PALM2AKAP2: variants seen among roughly 807,000 people sequenced by gnomAD.
The protein encoded by PALM2AKAP2 is PALM2 and AKAP2 fusion.
In PALM2AKAP2, 37 loss-of-function variants were observed where a neutral mutation model predicts 71.5. That is an observed-to-expected ratio of 0.52 (90% CI 0.40 to 0.68). PALM2AKAP2 has a LOEUF of 0.68. Among genes scored for constraint, PALM2AKAP2 ranks in the 30% least tolerant of loss-of-function variants. The pLI, the probability that PALM2AKAP2 is intolerant of heterozygous loss-of-function variation, is 0.00. For synonymous variants in PALM2AKAP2, 468 were observed against 478.8 expected, an observed-to-expected ratio of 0.98 and a Z score of 0.29; for missense variants, 1,224 against 1,191.8, an observed-to-expected ratio of 1.03 and a Z score of -0.40.
At chr9:109,774,072 CTT>C (rs1829314028) in intron 1 of PALM2AKAP2, among the ~76,000 whole-genome samples, 1 of 152,218 alleles carries the variant, frequency 6.6e-6, no homozygotes, top group African/African-American at 2.4e-5. Flanking sequence ...AAATTTCTCT[CTT>C]GTCAGCAGTG....
At chr9:109,649,936 G>A (rs752066957) in intron 1 of PALM2AKAP2, among the ~76,000 whole-genome samples, 6 of 152,190 alleles carry the variant, frequency 3.9e-5, no homozygotes, top group Non-Finnish European at 5.9e-5. Flanking sequence ...CAGATTTTTG[G>A]TGCTTTACCA....
At chr9:109,841,386 G>A (rs1363244176) in intron 1 of PALM2AKAP2, among the ~76,000 whole-genome samples, 1 of 147,964 alleles carries the variant, frequency 6.8e-6, no homozygotes, top group African/African-American at 2.5e-5. Context: ...GTAGGGGGGA[G>A]GGATAGCATT....
intron 6 of PALM2AKAP2, among the ~76,000 whole-genome samples, chr9:109,954,698 G>T (rs1033200813): frequency 1.7e-4 from 25 of 144,650 alleles, no homozygotes; most frequent in Non-Finnish European, 2.9e-4. Context: ...AAGGTTGCAA[G>T]ATCTTAAGTG....
intron 1 of PALM2AKAP2, among the ~76,000 whole-genome samples, chr9:109,656,185 C>T (rs1271182430): frequency 6.6e-6 from 1 of 152,040 alleles, no homozygotes; most frequent in Non-Finnish European, 1.5e-5. Flanking sequence ...AAGGAGAGCT[C>T]CAGGCAAAAG....
chr9:110,053,527 C>CAAAAA (rs56132919), intron 1 of PALM2AKAP2, among the ~76,000 whole-genome samples: 12 of 82,852 alleles, frequency 1.4e-4, no homozygotes, highest in Middle Eastern at 8.1e-3. Context: ...AACTCTGTCT[C>CAAAAA]AAAAAAAAAA....
At chr9:110,068,325 G>A (rs1409858650) in intron 1 of PALM2AKAP2, among the ~76,000 whole-genome samples, 1 of 149,376 alleles carries the variant, frequency 6.7e-6, no homozygotes, top group South Asian at 2.1e-4. Context: ...GGAGGCAACT[G>A]AATAGCATGA....
At chr9:109,769,776 A>G (rs1396018660) in intron 1 of PALM2AKAP2, among the ~76,000 whole-genome samples, 1 of 152,200 alleles carries the variant, frequency 6.6e-6, no homozygotes, top group Non-Finnish European at 1.5e-5. Flanking sequence ...TGAATTTGCA[A>G]CTTGGGGTCC....
intron 2 of PALM2AKAP2, among the ~76,000 whole-genome samples, chr9:109,874,073 T>G (rs1301692941): frequency 6.6e-6 from 1 of 152,204 alleles, no homozygotes; most frequent in African/African-American, 2.4e-5. Context: ...CTCTGTGATC[T>G]TTTTTTAGCT....
intron 1 of PALM2AKAP2, among the ~76,000 whole-genome samples, chr9:109,741,960 A>G (rs1057292952): frequency 2.6e-5 from 4 of 152,196 alleles, no homozygotes; most frequent in African/African-American, 9.7e-5. Flanking sequence ...GTTGTCTTGC[A>G]TAATAGTGGT....
chr9:109,948,104 C>T (rs1051354794), intron 6 of PALM2AKAP2, among the ~76,000 whole-genome samples: 3 of 152,144 alleles, frequency 2.0e-5, no homozygotes, highest in Admixed American at 6.5e-5. Context: ...CTGGTATTAC[C>T]AGGAAAACTT....
At chr9:110,137,652 A>C (rs1448220819) in exon 2 of PALM2AKAP2, 1 of 1,613,576 alleles carries the variant, frequency 6.2e-7, no homozygotes, top group Non-Finnish European at 8.5e-7. Flanking sequence ...GAGGAGCTTG[A>C]CTCTGGTCTG....
intron 2 of PALM2AKAP2, among the ~76,000 whole-genome samples, chr9:110,155,834 A>G (rs567673505): frequency 6.6e-6 from 1 of 152,204 alleles, no homozygotes; most frequent in African/African-American, 2.4e-5. Flanking sequence ...TTCCTCTGCT[A>G]TAGAGGATAG....
At chr9:110,105,082 G>T (rs1028625973) in intron 1 of PALM2AKAP2, among the ~76,000 whole-genome samples, 7 of 152,202 alleles carry the variant, frequency 4.6e-5, no homozygotes, top group African/African-American at 1.7e-4. Flanking sequence ...GCCAGAGGAC[G>T]AGGCTAGAAC....
At chr9:109,951,280 A>G (rs1474458103) in intron 6 of PALM2AKAP2, among the ~76,000 whole-genome samples, 3 of 152,092 alleles carry the variant, frequency 2.0e-5, no homozygotes, top group Admixed American at 6.5e-5. Flanking sequence ...CTTACTCTGA[A>G]TTAGCTTACT....
intron 1 of PALM2AKAP2, among the ~76,000 whole-genome samples, chr9:109,813,818 C>A (rs1446252400): frequency 1.3e-5 from 2 of 152,184 alleles, no homozygotes. Context: ...ACCAGGAACC[C>A]AACTCTACTC....
intron 1 of PALM2AKAP2, among the ~76,000 whole-genome samples, chr9:109,734,660 A>T (rs1828603191): frequency 6.6e-6 from 1 of 152,216 alleles, no homozygotes. Context: ...AGATTCCATG[A>T]CATTTTAATT....
intron 1 of PALM2AKAP2, among the ~76,000 whole-genome samples, chr9:110,104,180 T>G (rs1033508231): frequency 0.014 from 207 of 14,532 alleles, 1 homozygote; most frequent in South Asian, 0.037. Context: ...CTGCTTTTTT[T>G]TGGGGGGGCG....
At chr9:110,113,864 T>C (rs969451020) in intron 1 of PALM2AKAP2, among the ~76,000 whole-genome samples, 23 of 152,246 alleles carry the variant, frequency 1.5e-4, no homozygotes, top group African/African-American at 3.9e-4. Context: ...CATGAATATG[T>C]TGGGGCAACC....
At chr9:109,833,394 C>T (rs966974733) in intron 1 of PALM2AKAP2, among the ~76,000 whole-genome samples, 1 of 152,092 alleles carries the variant, frequency 6.6e-6, no homozygotes, top group East Asian at 1.9e-4. Flanking sequence ...AGTTCCCAAC[C>T]ATGTGCTGTG....
Sources: gnomAD v4.1 joint callset for allele counts (sites outside exome capture counted in the v4.1 genomes callset) on GRCh38, gnomAD v4.1.1 for gene constraint, MANE v1.5 for transcripts, NCBI Gene and HGNC (gene_info 2026-07-23, HGNC 2026-07-21) for gene names.